Variants in KAZN observed in about 807,000 individuals in gnomAD.
KAZN encodes the protein kazrin, periplakin interacting protein.
A neutral mutation model predicts 87.4 loss-of-function variants in KAZN; 40 were observed. The observed-to-expected ratio is 0.46, with a 90% CI of 0.36 to 0.60. The LOEUF (loss-of-function observed/expected upper bound fraction) is 0.60, where lower values mean the gene tolerates loss of function less well. Ranked by LOEUF, KAZN falls within the 20% of genes least tolerant of loss-of-function variation. The probability of loss-of-function intolerance (pLI) is 0.00; values close to 1 mark genes in which losing one functional copy is unlikely to be tolerated. For missense variants in KAZN, 898 were observed against 1,073.9 expected (o/e 0.84, Z 2.29); for synonymous variants, 466 against 458.3 (o/e 1.02, Z -0.22).
At chr1:14,647,203 T>C (rs886959232) in intron 1 of KAZN, among the ~76,000 whole-genome samples, 4 of 152,154 alleles carry the variant, frequency 2.6e-5, no homozygotes, top group African/African-American at 9.7e-5. Context: ...GGGGCGCAGT[T>C]TTTCCGTTGC....
chr1:14,444,103 G>A (rs1422858513), intron 2 of KAZN, among the ~76,000 whole-genome samples: 2 of 152,024 alleles, frequency 1.3e-5, no homozygotes, highest in Non-Finnish European at 2.9e-5. Flanking sequence ...TTCTTTAATA[G>A]ACTTCAAAGT....
intron 1 of KAZN, among the ~76,000 whole-genome samples, chr1:14,631,300 G>A (rs1033161222): frequency 1.5e-4 from 23 of 152,226 alleles, no homozygotes; most frequent in Admixed American, 5.2e-4. Context: ...AGGAAACAGT[G>A]AAGGCTAGAA....
intron 2 of KAZN, among the ~76,000 whole-genome samples, chr1:14,274,025 C>G (rs879748507): frequency 1.3e-5 from 2 of 152,154 alleles, no homozygotes; most frequent in Admixed American, 1.3e-4. Context: ...TTTGCTTCTC[C>G]TATTTATGTG....
chr1:14,083,094 C>T (rs1266947860), intron 1 of KAZN, among the ~76,000 whole-genome samples: 2 of 152,032 alleles, frequency 1.3e-5, no homozygotes, highest in African/African-American at 2.4e-5. Flanking sequence ...CGGGAGGTTT[C>T]CCTGCCACCT....
intron 1 of KAZN, among the ~76,000 whole-genome samples, chr1:13,958,504 G>A (rs193240723): frequency 0.017 from 2,568 of 150,524 alleles, 37 homozygotes; most frequent in Middle Eastern, 0.034. Context: ...AACCCGGGAG[G>A]CAGAGCTTGC....
rs1029136944 is a variant in KAZN at position 15,026,748 on chromosome 1, C to A, written c.419-8001C>A. Among the ~76,000 whole-genome samples the A allele has an allele frequency of 1.3e-5, 2 of 152,124 alleles. 1 individual carries two copies. Among genetic ancestry groups the A allele is most frequent in the South Asian group, 4.2e-4 (2 of 4,808 alleles). On this transcript the variant is annotated intron_variant, in intron 2 of 14. Transcript: ENST00000376030. ...GAAAAAAAAAAAATGGATAGTTGTG[C>A]CTGTACTGAATATGCACAAGACATA...
intron 2 of KAZN, among the ~76,000 whole-genome samples, chr1:14,487,137 A>G (rs1419887985): frequency 6.6e-6 from 1 of 152,032 alleles, no homozygotes; most frequent in African/African-American, 2.4e-5. Context: ...TTTCTTTTCC[A>G]CTTAGTTGAA....
At chr1:13,945,216 A>G (rs1641091470) in intron 1 of KAZN, among the ~76,000 whole-genome samples, 1 of 152,126 alleles carries the variant, frequency 6.6e-6, no homozygotes, top group South Asian at 2.1e-4. Flanking sequence ...GCTCACACCT[A>G]TAATACCAGC....
intron 1 of KAZN, among the ~76,000 whole-genome samples, chr1:14,004,032 G>A (rs562757168): frequency 6.6e-6 from 1 of 151,812 alleles, no homozygotes; most frequent in East Asian, 1.9e-4. Context: ...TAATAAGAAA[G>A]CAGGCAATTT....
chr1:14,449,204 A>G (rs530142842), intron 2 of KAZN, among the ~76,000 whole-genome samples: 31 of 152,318 alleles, frequency 2.0e-4, no homozygotes, highest in African/African-American at 6.7e-4. Context: ...AGACCATGCC[A>G]TGAGGACTTA....
chr1:14,102,833 G>C (rs1033908487), intron 1 of KAZN, among the ~76,000 whole-genome samples: 3 of 152,026 alleles, frequency 2.0e-5, no homozygotes, highest in African/African-American at 7.2e-5. Context: ...TGTCAGCAGG[G>C]CTGGTTTCTC....
intron 1 of KAZN, among the ~76,000 whole-genome samples, chr1:14,823,427 G>C (rs1646793928): frequency 6.6e-6 from 1 of 152,084 alleles, no homozygotes; most frequent in Non-Finnish European, 1.5e-5. Flanking sequence ...GAAGAGAGTA[G>C]ATACAGAGGT....
intron 2 of KAZN, among the ~76,000 whole-genome samples, chr1:14,401,710 T>C (rs955391464): frequency 6.6e-6 from 1 of 151,966 alleles, no homozygotes; most frequent in Non-Finnish European, 1.5e-5. Flanking sequence ...TAAGTAAAAA[T>C]GTAAAAATAA....
intron 1 of KAZN, among the ~76,000 whole-genome samples, chr1:14,835,619 A>G (rs1647211890): frequency 1.3e-5 from 2 of 152,172 alleles, no homozygotes; most frequent in Admixed American, 6.5e-5. Flanking sequence ...GTAATAGAAG[A>G]GGCAGAGCTG....
chr1:14,883,371 G>GAAAGA (rs1653646576), intron 1 of KAZN, among the ~76,000 whole-genome samples: 1 of 93,570 alleles, frequency 1.1e-5, no homozygotes, highest in Admixed American at 1.2e-4. Context: ...AAGAAAGAAA[G>GAAAGA]AAAGAAAGAA....
intron 1 of KAZN, among the ~76,000 whole-genome samples, chr1:14,778,032 C>T (rs540677233): frequency 4.6e-5 from 7 of 152,312 alleles, no homozygotes; most frequent in African/African-American, 1.4e-4. Context: ...ACTGTTTTAT[C>T]AGCAAGGTCT....
In KAZN at chr1:15,066,567, AAG is replaced by A. The variant is rs1310449635; in HGVS notation, c.1222+816_1222+817del. The A allele has an allele frequency of 1.0e-6, 1 of 984,886 alleles. No individual in the cohort carries two copies. The highest frequency in any genetic ancestry group is 1.2e-6 in the Non-Finnish European group (1 of 829,396). The allele number at this position is 984,886 out of a possible 1,614,324, so 61.0% of individuals were successfully genotyped here. On this transcript the variant is annotated intron_variant, in intron 8 of 14. Coordinates refer to ENST00000376030, the MANE Select transcript of KAZN (RefSeq NM_201628.3). This position sits in a 1 kb window ranked among gnomAD's most constrained non-coding sequence, Gnocchi z 4.3. Reference sequence around the variant, plus strand: ...TGCCGTTTCTTTCTTTATGAAAAAAAAGAAAAAAAGAAAATTGTTTCATTTAA... The same window carrying A: ...TGCCGTTTCTTTCTTTATGAAAAAAAAAAAAAAGAAAATTGTTTCATTTAA...
intron 2 of KAZN, among the ~76,000 whole-genome samples, chr1:14,591,079 T>C (rs1676165839): frequency 1.3e-5 from 2 of 151,966 alleles, no homozygotes; most frequent in African/African-American, 4.8e-5. Context: ...TAGGAGAGTG[T>C]AGGAGTGGCT....
At chr1:14,883,528 A>C (rs749877135) in intron 1 of KAZN, among the ~76,000 whole-genome samples, 1 of 147,166 alleles carries the variant, frequency 6.8e-6, no homozygotes, top group East Asian at 1.9e-4. Context: ...ACCCTGGGTC[A>C]CAGCCAAAGG....
Sources: allele counts gnomAD v4.1 joint callset (sites outside exome capture counted in the v4.1 genomes callset), GRCh38; gene constraint gnomAD v4.1.1; non-coding constraint Gnocchi (gnomAD v3.1); transcripts MANE v1.5; gene names NCBI Gene and HGNC (gene_info 2026-07-23, HGNC 2026-07-21).